Variants in STK3 observed in about 807,000 individuals in gnomAD.
STK3 encodes serine/threonine kinase 3, also known as serine/threonine-protein kinase 3.
A neutral mutation model predicts 58.0 loss-of-function variants in STK3; 41 were observed. The ratio of observed to expected loss-of-function variants is 0.71; its 90% CI spans 0.55 to 0.92. The LOEUF is 0.92. Ranked by LOEUF, STK3 falls within the 40% of genes least tolerant of loss-of-function variation. The pLI is 0.00. For synonymous variants in STK3, 170 were observed against 191.0 expected (o/e 0.89, Z 0.91); for missense variants, 479 against 602.7 (o/e 0.79, Z 2.15).
chr8:98,347,062 G>C, the STK3 span, among the ~76,000 whole-genome samples: 1 of 151,706 alleles, frequency 6.6e-6, no homozygotes, highest in Non-Finnish European at 1.5e-5. Context: ...TGGAAGAAAG[G>C]ATTTTATACT....
intron 10 of STK3, among the ~76,000 whole-genome samples, chr8:98,510,652 T>C (rs1037617733): frequency 6.6e-6 from 1 of 152,028 alleles, no homozygotes; most frequent in Non-Finnish European, 1.5e-5. Flanking sequence ...AATACATCAA[T>C]TTAAAAATTT....
chr8:98,838,215 C>A (rs970139016), intron 3 of STK3, among the ~76,000 whole-genome samples: 1 of 151,964 alleles, frequency 6.6e-6, no homozygotes, highest in Non-Finnish European at 1.5e-5. Flanking sequence ...TGCCCTCCAA[C>A]CTAGGTGACA....
At chr8:98,386,068 T>C (rs1416018485) in intron 1 of STK3, among the ~76,000 whole-genome samples, 3 of 152,188 alleles carry the variant, frequency 2.0e-5, no homozygotes, top group Non-Finnish European at 4.4e-5. Context: ...TTTGACAATA[T>C]ACTCTGTTAG....
chr8:98,465,900 G>A (rs748425029), intron 10 of STK3, among the ~76,000 whole-genome samples: 1 of 152,120 alleles, frequency 6.6e-6, no homozygotes, highest in African/African-American at 2.4e-5. Context: ...TCCGTTTCTG[G>A]TAAGTAGCTT....
chr8:98,657,243 C>G lies in STK3; in HGVS notation c.684+49224G>C, dbSNP rs531218787. On this transcript the variant is annotated intron_variant, in intron 6 of 10. Transcript: ENST00000419617. ...TAAGTGCCAGGTACTGTGGTAAGTACTGGACACACATCAAATCATTCAATC... is the reference window on the plus strand; with the variant it reads ...TAAGTGCCAGGTACTGTGGTAAGTAGTGGACACACATCAAATCATTCAATC... Among the ~76,000 whole-genome samples the G allele has an allele frequency of 5.3e-5, 8 of 152,126 alleles. No homozygotes were observed. In the South Asian group the frequency reaches 1.7e-3, roughly 32 times the overall value.
chr8:98,557,438 C>G (rs1811685402), intron 8 of STK3, among the ~76,000 whole-genome samples: 1 of 152,020 alleles, frequency 6.6e-6, no homozygotes, highest in South Asian at 2.1e-4. Context: ...TCCCATTGTC[C>G]TTGTTATTAA....
chr8:98,804,620 T>C (rs956333511), intron 1 of STK3, among the ~76,000 whole-genome samples: 1 of 152,210 alleles, frequency 6.6e-6, no homozygotes, highest in African/African-American at 2.4e-5. Context: ...TCAACTCAAC[T>C]AGTTATCTCC....
intron 3 of STK3, among the ~76,000 whole-genome samples, chr8:98,875,870 A>G (rs1587787683): frequency 6.6e-6 from 1 of 152,240 alleles, no homozygotes; most frequent in Admixed American, 6.5e-5. Context: ...ATAGTCCAAC[A>G]GTAGAGATAG....
intron 3 of STK3, 50 bp downstream of exon 3, chr8:98,767,193 G>A (rs777621471): frequency 6.7e-7 from 1 of 1,496,728 alleles, no homozygotes; most frequent in South Asian, 1.4e-5. Context: ...TATTTTATTA[G>A]CAAAACTCGT....
At chr8:98,550,909 T>C (rs1203689630) in intron 8 of STK3, among the ~76,000 whole-genome samples, 1 of 152,202 alleles carries the variant, frequency 6.6e-6, no homozygotes, top group Non-Finnish European at 1.5e-5. Flanking sequence ...TTTCTATCAT[T>C]CTAATGAAGA....
At chr8:98,345,505 A>G in the STK3 span, among the ~76,000 whole-genome samples, 2 of 151,960 alleles carry the variant, frequency 1.3e-5, no homozygotes, top group Non-Finnish European at 2.9e-5. Flanking sequence ...GATTTGGAAG[A>G]AATTGGAGTG....
chr8:98,399,593 C>A (rs1290757115), downstream of STK3, among the ~76,000 whole-genome samples: 1 of 152,244 alleles, frequency 6.6e-6, no homozygotes, highest in Non-Finnish European at 1.5e-5. Context: ...GCTTTTCTAT[C>A]TCTCTTAGCC....
chr8:98,697,966 T>TAA (rs1825144147), intron 6 of STK3, among the ~76,000 whole-genome samples: 2 of 152,302 alleles, frequency 1.3e-5, no homozygotes, highest in East Asian at 3.9e-4. Context: ...AGTGGGGTGT[T>TAA]AAAGTCTCCC....
intron 3 of STK3, among the ~76,000 whole-genome samples, chr8:98,764,789 T>C (rs930109344): frequency 9.2e-5 from 14 of 152,122 alleles, no homozygotes; most frequent in African/African-American, 1.4e-4. Flanking sequence ...ACTTAGATGA[T>C]AGAGAATACA....
chr8:98,599,161 T>C (rs1215338755), intron 6 of STK3, among the ~76,000 whole-genome samples: 1 of 152,150 alleles, frequency 6.6e-6, no homozygotes, highest in Non-Finnish European at 1.5e-5. Context: ...AAAGGTTATC[T>C]TCACAACAAA....
At chr8:98,835,414 C>A (rs761474752) in intron 3 of STK3, among the ~76,000 whole-genome samples, 46 of 152,234 alleles carry the variant, frequency 3.0e-4, no homozygotes, top group Non-Finnish European at 5.7e-4. Context: ...TATGTTCCCT[C>A]TGCAGGCTCC....
At chr8:98,370,537 C>T (rs1422130359), downstream of STK3, among the ~76,000 whole-genome samples, 1 of 152,030 alleles carries the variant, frequency 6.6e-6, no homozygotes, top group Non-Finnish European at 1.5e-5. Context: ...TAGGTAAGGA[C>T]CATCATCTCC....
At position 98,428,909 on chromosome 8, in the gene STK3, G is replaced by T; in HGVS notation, n.483+5218C>A. 1 of 1,614,128 alleles carries T rather than the reference G, an allele frequency of 6.2e-7. No individual in the cohort carries two copies. The highest frequency in any genetic ancestry group is 1.1e-5 in the South Asian group (1 of 91,070). ...TCTTCCGCATCTTAAAGCTGGCCAG[G>T]CACTCCACTGGCCTCCGCTCCCTGG... On this transcript the variant is annotated intron_variant and non_coding_transcript_variant, in intron 3 of 3. Coordinates refer to the STK3 transcript ENST00000517832. This position sits in a 1 kb window ranked among gnomAD's most constrained non-coding sequence, Gnocchi z 6.7.
intron 6 of STK3, among the ~76,000 whole-genome samples, chr8:98,648,948 T>G (rs972316381): frequency 1.3e-5 from 2 of 150,584 alleles, no homozygotes; most frequent in East Asian, 3.9e-4. Context: ...TCCCAGCTAC[T>G]TGGGAGGCTG....
Sources: allele counts gnomAD v4.1 joint callset (sites outside exome capture counted in the v4.1 genomes callset), GRCh38; gene constraint gnomAD v4.1.1; non-coding constraint Gnocchi (gnomAD v3.1); transcripts MANE v1.5; gene names NCBI Gene and HGNC (gene_info 2026-07-23, HGNC 2026-07-21).